EPHA5: variants seen among roughly 807,000 people sequenced by gnomAD.
EPHA5 encodes EPH receptor A5.
A neutral mutation model predicts 105.0 loss-of-function variants in EPHA5; 60 were observed. The observed-to-expected ratio is 0.57, with a 90% CI of 0.46 to 0.71. The LOEUF is 0.71. EPHA5 is among the 30% of genes least tolerant of loss of function. The probability of loss-of-function intolerance (pLI) is 0.00; values close to 1 mark genes in which losing one functional copy is unlikely to be tolerated. For missense variants in EPHA5, 1,218 were observed against 1,274.7 expected (o/e 0.96, Z 0.68); for synonymous variants, 513 against 449.1 (o/e 1.14, Z -1.80).
chr4:65,362,168 C>A (rs1328998037), intron 11 of EPHA5, among the ~76,000 whole-genome samples: 1 of 151,496 alleles, frequency 6.6e-6, no homozygotes. Context: ...AATGGGGGCT[C>A]AAGCTTCTGG....
Position 65,601,850 on chromosome 4 carries a change from G to A in EPHA5, c.701C>T (p.Pro234Leu), listed in dbSNP as rs1743765278. The A allele has an allele frequency of 6.2e-7, 1 of 1,614,084 alleles. No individual in the cohort carries two copies. Among genetic ancestry groups the A allele is most frequent in the African/African-American group, 1.3e-5 (1 of 74,994 alleles). Residue 234 changes from proline (P) to leucine (L), a missense_variant, in exon 3 of 17, where the codon CCT (proline) becomes CTT (leucine). This residue lies in a region of EPHA5 where 971 missense variants were observed against 1,013.5 expected (regional missense o/e 0.96). Coordinates refer to ENST00000613740, the MANE Select transcript of EPHA5 (RefSeq NM_001281766.3). ...VSVRVYYKKCPSVVRHLAVFP... is the reference protein window; with the variant it reads ...VSVRVYYKKCLSVVRHLAVFP... ...GACAGCCAAGTGTCGTACCACAGAA[G>A]GGCATTTTTTATAGTATACACGCAC...
chr4:65,448,619 G>A (rs1726788385), intron 5 of EPHA5, among the ~76,000 whole-genome samples: 1 of 152,156 alleles, frequency 6.6e-6, no homozygotes, highest in Non-Finnish European at 1.5e-5. Context: ...CTGCACTCCA[G>A]CCTGAGTGAC....
intron 3 of EPHA5, among the ~76,000 whole-genome samples, chr4:65,537,688 T>C (rs953370034): frequency 9.9e-5 from 15 of 151,730 alleles, no homozygotes; most frequent in Admixed American, 9.9e-4. Context: ...TATAGAAGGA[T>C]TGAGAAATTA....
chr4:65,666,893 C>T (rs539162516), intron 1 of EPHA5, among the ~76,000 whole-genome samples: 1 of 152,204 alleles, frequency 6.6e-6, no homozygotes, highest in East Asian at 1.9e-4. Context: ...TAAGAAATGA[C>T]TAGAATAGCA....
chr4:65,558,440 T>C (rs938189712), intron 3 of EPHA5, among the ~76,000 whole-genome samples: 2 of 152,118 alleles, frequency 1.3e-5, no homozygotes, highest in East Asian at 1.9e-4. Flanking sequence ...GGTCATTTTA[T>C]TGGTCTTCAT....
intron 8 of EPHA5, among the ~76,000 whole-genome samples, chr4:65,381,813 G>A (rs187421561): frequency 1.4e-4 from 21 of 151,798 alleles, no homozygotes; most frequent in African/African-American, 4.8e-4. Context: ...ACAGGTTTGA[G>A]GGAATTCCCT....
At chr4:65,335,782 A>T in intron 15 of EPHA5, 150 bp downstream of exon 15, 1 of 665,570 alleles carries the variant, frequency 1.5e-6, no homozygotes, top group Non-Finnish European at 2.4e-6. Flanking sequence ...ATTGTAAGAG[A>T]GTAGCATGCA....
At chr4:65,395,582 G>A (rs542078716) in intron 8 of EPHA5, among the ~76,000 whole-genome samples, 54 of 152,260 alleles carry the variant, frequency 3.5e-4, no homozygotes, top group African/African-American at 1.2e-3. Context: ...CTCTGTTATA[G>A]TATTGGCTGA....
At chr4:65,396,150 C>T (rs1335054051) in intron 8 of EPHA5, among the ~76,000 whole-genome samples, 3 of 152,192 alleles carry the variant, frequency 2.0e-5, no homozygotes, top group East Asian at 3.9e-4. Context: ...CTGGTGCCAG[C>T]TCTGATTTCA....
intron 5 of EPHA5, among the ~76,000 whole-genome samples, chr4:65,439,409 C>T (rs114683590): frequency 0.012 from 1,819 of 151,714 alleles, 43 homozygotes; most frequent in African/African-American, 0.042. Flanking sequence ...AATTTTGTTC[C>T]GCTGTTCCAC....
At chr4:65,583,019 G>A (rs937628485) in intron 3 of EPHA5, among the ~76,000 whole-genome samples, 12 of 151,380 alleles carry the variant, frequency 7.9e-5, no homozygotes, top group Non-Finnish European at 3.0e-5. Flanking sequence ...ATCTACAATT[G>A]AATTCTTATT....
chr4:65,379,763 T>G (rs1306134414), intron 8 of EPHA5, among the ~76,000 whole-genome samples: 1 of 151,670 alleles, frequency 6.6e-6, no homozygotes, highest in Non-Finnish European at 1.5e-5. Context: ...TAAATAAACA[T>G]TACATTCAGA....
intron 16 of EPHA5, among the ~76,000 whole-genome samples, chr4:65,330,009 C>T (rs560514405): frequency 1.3e-5 from 2 of 151,240 alleles, no homozygotes; most frequent in Admixed American, 6.6e-5. Flanking sequence ...CCTGGAGTTG[C>T]CCCAAAAACC....
intron 2 of EPHA5, among the ~76,000 whole-genome samples, chr4:65,635,682 T>G (rs1325229245): frequency 1.3e-5 from 2 of 152,160 alleles, no homozygotes; most frequent in Non-Finnish European, 2.9e-5. Context: ...AATTTTATTC[T>G]CACAAGAATA....
At chr4:65,457,349 C>T (rs957313182) in intron 5 of EPHA5, among the ~76,000 whole-genome samples, 1 of 152,114 alleles carries the variant, frequency 6.6e-6, no homozygotes, top group African/African-American at 2.4e-5. Flanking sequence ...ATACCTACAT[C>T]ATAGGATCAT....
intron 3 of EPHA5, among the ~76,000 whole-genome samples, chr4:65,525,185 T>C (rs1024225897): frequency 6.6e-6 from 1 of 151,766 alleles, no homozygotes; most frequent in Non-Finnish European, 1.5e-5. Context: ...TAGTTATCTC[T>C]TTTTAATAAT....
chr4:65,605,799 A>G (rs1744175754), intron 2 of EPHA5, among the ~76,000 whole-genome samples: 1 of 152,112 alleles, frequency 6.6e-6, no homozygotes, highest in South Asian at 2.1e-4. Context: ...CTCTTATAAT[A>G]TCTAGATATA....
At chr4:65,376,310 G>A (rs1718997922) in intron 8 of EPHA5, among the ~76,000 whole-genome samples, 1 of 152,000 alleles carries the variant, frequency 6.6e-6, no homozygotes. Flanking sequence ...TTTTCACAAA[G>A]TAGCTCCCAT....
chr4:65,485,282 A>G (rs1200992193), intron 5 of EPHA5, among the ~76,000 whole-genome samples: 1 of 151,926 alleles, frequency 6.6e-6, no homozygotes, highest in Admixed American at 6.6e-5. Context: ...TTTTCCCTTC[A>G]TCATAGCCAC....
Sources: allele counts gnomAD v4.1 joint callset (sites outside exome capture counted in the v4.1 genomes callset), GRCh38; gene constraint gnomAD v4.1.1; regional missense constraint gnomAD v4.1.1; transcripts MANE v1.5; gene names NCBI Gene and HGNC (gene_info 2026-07-23, HGNC 2026-07-21).